Variants in GALNTL6 observed in about 807,000 individuals in gnomAD.
GALNTL6 encodes the protein polypeptide N-acetylgalactosaminyltransferase like 6.
GALNTL6 carries 46 observed loss-of-function variants against 73.7 expected under a neutral mutation model. The ratio of observed to expected loss-of-function variants is 0.62; its 90% CI spans 0.49 to 0.80. GALNTL6 has a LOEUF of 0.80. Among genes scored for constraint, GALNTL6 ranks in the 30% least tolerant of loss-of-function variants. The pLI, the probability that GALNTL6 is intolerant of heterozygous loss-of-function variation, is 0.00. For synonymous variants in GALNTL6, 259 were observed against 263.7 expected, an observed-to-expected ratio of 0.98 and a Z score of 0.17; for missense variants, 604 against 755.0, an observed-to-expected ratio of 0.80 and a Z score of 2.34.
intron 2 of GALNTL6, among the ~76,000 whole-genome samples, chr4:172,203,703 T>G (rs1736023869): frequency 6.6e-6 from 1 of 152,198 alleles, no homozygotes; most frequent in African/African-American, 2.4e-5. Flanking sequence ...TCCTTCTCTA[T>G]GAAACTGATT....
At chr4:173,032,342 T>C (rs1322782640) in intron 12 of GALNTL6, among the ~76,000 whole-genome samples, 1 of 151,782 alleles carries the variant, frequency 6.6e-6, no homozygotes, top group Non-Finnish European at 1.5e-5. Context: ...TCCCAGCTAC[T>C]CGGGAGGCTG....
intron 5 of GALNTL6, among the ~76,000 whole-genome samples, chr4:172,389,294 A>G (rs918557802): frequency 1.3e-5 from 2 of 152,054 alleles, no homozygotes; most frequent in African/African-American, 4.8e-5. Context: ...TAACAGCAGA[A>G]AAAAAGAGAA....
At chr4:172,688,841 G>T (rs1005400276) in intron 5 of GALNTL6, among the ~76,000 whole-genome samples, 2 of 152,042 alleles carry the variant, frequency 1.3e-5, no homozygotes, top group Non-Finnish European at 2.9e-5. Context: ...TTCTTAAAAG[G>T]CATTTCTTTT....
At chr4:172,173,006 C>T (rs1734881824) in intron 2 of GALNTL6, among the ~76,000 whole-genome samples, 1 of 152,172 alleles carries the variant, frequency 6.6e-6, no homozygotes, top group Non-Finnish European at 1.5e-5. Context: ...TTTAGTATAT[C>T]CTTTGCCCAC....
chr4:173,031,014 AAG>A (rs10655625), intron 12 of GALNTL6, among the ~76,000 whole-genome samples: 5,535 of 148,168 alleles, frequency 0.037, 146 homozygotes, highest in Non-Finnish European at 0.059. Flanking sequence ...AAGAAAAGAA[AAG>A]AGAGAGAGAG....
At chr4:172,235,492 C>A (rs891729207) in intron 3 of GALNTL6, among the ~76,000 whole-genome samples, 1 of 152,144 alleles carries the variant, frequency 6.6e-6, no homozygotes, top group African/African-American at 2.4e-5. Flanking sequence ...CAGGCATGAG[C>A]CATTGTGCCA....
At chr4:172,992,781 G>A (rs548621844) in intron 10 of GALNTL6, among the ~76,000 whole-genome samples, 2 of 152,300 alleles carry the variant, frequency 1.3e-5, no homozygotes, top group South Asian at 2.1e-4. Context: ...GCCTTTGGCT[G>A]CATGACTCCT....
intron 5 of GALNTL6, among the ~76,000 whole-genome samples, chr4:172,495,080 T>C (rs1734025535): frequency 6.6e-6 from 1 of 152,078 alleles, no homozygotes; most frequent in African/African-American, 2.4e-5. Context: ...TCAGGAATCC[T>C]AGGAAAGGTA....
rs530238680 is a variant in GALNTL6 at position 172,416,917 on chromosome 4, A to G, written c.553+68228A>G. On this transcript the variant is annotated intron_variant, in intron 5 of 12. Transcript: ENST00000506823. ...AAAAACGGGGTAATTGTTTCCTTCA[A>G]ATTCATAAGCTTGTGTTTTATAATC... Among the ~76,000 whole-genome samples the G allele has an allele frequency of 2.6e-5, 4 of 152,248 alleles. No individual in the cohort carries two copies. In the South Asian group the frequency reaches 8.3e-4, roughly 32 times the overall value.
At chr4:172,060,369 T>C (rs995581066) in intron 2 of GALNTL6, among the ~76,000 whole-genome samples, 2 of 152,166 alleles carry the variant, frequency 1.3e-5, no homozygotes, top group Non-Finnish European at 2.9e-5. Context: ...TGTATATGTG[T>C]ATTCATTTAT....
At chr4:172,628,501 G>T (rs1039060030) in intron 5 of GALNTL6, among the ~76,000 whole-genome samples, 1 of 152,126 alleles carries the variant, frequency 6.6e-6, no homozygotes, top group Non-Finnish European at 1.5e-5. Flanking sequence ...GGAGGCAGAG[G>T]TGGGTAGATC....
intron 2 of GALNTL6, among the ~76,000 whole-genome samples, chr4:171,935,351 A>G (rs1344791165): frequency 6.6e-6 from 1 of 152,186 alleles, no homozygotes; most frequent in African/African-American, 2.4e-5. Flanking sequence ...GTCATAGCAG[A>G]GAAAACCAGA....
At chr4:172,458,173 G>A (rs1374912425) in intron 5 of GALNTL6, among the ~76,000 whole-genome samples, 1 of 151,908 alleles carries the variant, frequency 6.6e-6, no homozygotes, top group African/African-American at 2.4e-5. Context: ...TGAAACCAAT[G>A]AGAACAAAGA....
intron 5 of GALNTL6, among the ~76,000 whole-genome samples, chr4:172,664,065 C>T (rs909166143): frequency 1.3e-5 from 2 of 149,804 alleles, no homozygotes; most frequent in Admixed American, 6.6e-5. Flanking sequence ...GGAAGAATAT[C>T]GGCTACATGG....
intron 3 of GALNTL6, among the ~76,000 whole-genome samples, chr4:172,248,067 TAGAC>T (rs5864126): frequency 0.45 from 67,426 of 151,494 alleles, 17,044 homozygotes; most frequent in East Asian, 0.79. Context: ...TAAAATGAAA[TAGAC>T]AGTCCTCATA....
chr4:172,934,634 AGCACACTGG>A (rs147416161), intron 9 of GALNTL6, among the ~76,000 whole-genome samples: 13,062 of 152,254 alleles, frequency 0.086, 702 homozygotes, highest in Non-Finnish European at 0.12. Flanking sequence ...GCCTATTGTC[AGCACACTGG>A]GACACGGTTG....
intron 4 of GALNTL6, among the ~76,000 whole-genome samples, chr4:172,320,358 C>T (rs947306339): frequency 2.0e-5 from 3 of 152,242 alleles, no homozygotes; most frequent in African/African-American, 7.2e-5. Flanking sequence ...ACCCTTATCT[C>T]CAGAGCTTTG....
At chr4:171,919,357 T>G (rs574744676) in intron 2 of GALNTL6, among the ~76,000 whole-genome samples, 2 of 152,162 alleles carry the variant, frequency 1.3e-5, no homozygotes, top group Non-Finnish European at 2.9e-5. Flanking sequence ...CAGGGTTGAC[T>G]CTCTATGATT....
rs146606075 is a variant in GALNTL6 at position 172,996,585 on chromosome 4, G to A, written c.1372-12593G>A. On this transcript the variant is annotated intron_variant, in intron 10 of 12. Transcript: ENST00000506823. ...ACTTAAAAGAAGAATTAATAGTTTC[G>A]GAGGGCTCTCATTCTCATGTGATCA... 3.7e-3 allele frequency among the ~76,000 whole-genome samples: 570 copies of A among 152,188 alleles called. 11 individuals are homozygous for A. Among genetic ancestry groups the A allele is most frequent in the East Asian group, 0.025 (130 of 5,182 alleles).
Sources: gnomAD v4.1 joint callset for allele counts (sites outside exome capture counted in the v4.1 genomes callset) on GRCh38, gnomAD v4.1.1 for gene constraint, MANE v1.5 for transcripts, NCBI Gene and HGNC (gene_info 2026-07-23, HGNC 2026-07-21) for gene names.